Variants in TRIP10 observed in about 807,000 individuals in gnomAD.
TRIP10 encodes the protein cdc42-interacting protein 4.
Under a neutral mutation model 80.9 loss-of-function variants are expected in TRIP10, and 54 were observed. The ratio of observed to expected loss-of-function variants is 0.67; its 90% CI spans 0.54 to 0.84. The LOEUF (loss-of-function observed/expected upper bound fraction) is 0.84, where lower values mean the gene tolerates loss of function less well. Ranked by LOEUF, TRIP10 falls within the 40% of genes least tolerant of loss-of-function variation. The probability of loss-of-function intolerance (pLI) is 0.00; values close to 1 mark genes in which losing one functional copy is unlikely to be tolerated. For synonymous variants in TRIP10, 321 were observed against 307.2 expected, an observed-to-expected ratio of 1.04 and a Z score of -0.47; for missense variants, 773 against 815.3, an observed-to-expected ratio of 0.95 and a Z score of 0.63.
rs1449033015 is a variant in TRIP10, at chr19:6,746,628, T to G, written c.1262+67T>G. ...AAAATAGTAAATGAACTTCACTTAT[T>G]TGTTTATTATTTTATTTTATTTATT... On this transcript the variant is annotated intron_variant, in intron 11 of 14. Transcript: ENST00000313244. The surrounding 1 kb of genome is among the most constrained non-coding windows in gnomAD (Gnocchi z 6.2). 1 of 1,084,926 alleles carries G rather than the reference T, an allele frequency of 9.2e-7. No individual in the cohort carries two copies. The highest frequency in any genetic ancestry group is 1.3e-6 in the Non-Finnish European group (1 of 776,584). The allele number at this position is 1,084,926 out of a possible 1,614,324, so 67.2% of individuals were successfully genotyped here.
chr19:6,740,970 C>T lies in TRIP10; in HGVS notation c.25-40C>T, dbSNP rs193052484. 2.5e-5 allele frequency: 39 copies of T among 1,576,024 alleles called. No homozygotes were observed. The East Asian group carries it at 7.4e-4, about 30-fold the overall frequency. On this transcript the variant is annotated intron_variant, in intron 1 of 14. Coordinates refer to ENST00000313244, the MANE Select transcript of TRIP10 (RefSeq NM_001288962.2). Reference sequence around the variant, plus strand: ...CTGTGGGGTCCCAAAATCGTGACCCCGGCCCCTCTCCCCTCCTCCCCCACC... The same window carrying T: ...CTGTGGGGTCCCAAAATCGTGACCCTGGCCCCTCTCCCCTCCTCCCCCACC...
Position 6,745,682 on chromosome 19 carries a change from G to T in TRIP10, c.985-347G>T. 2 of 985,254 alleles carry T rather than the reference G, an allele frequency of 2.0e-6. No homozygotes were observed. The highest frequency in any genetic ancestry group is 2.3e-4 in the East Asian group (2 of 8,806). The allele number at this position is 985,254 out of a possible 1,614,324, so 61.0% of individuals were successfully genotyped here. A position where few individuals can be genotyped will look rare whatever the true frequency, so the allele number is the denominator to read the frequency against. On this transcript the variant is annotated intron_variant, in intron 9 of 14. Coordinates refer to ENST00000313244, the MANE Select transcript of TRIP10 (RefSeq NM_001288962.2). The surrounding 1 kb of genome is among the most constrained non-coding windows in gnomAD (Gnocchi z 7.2). ...TGGACAGAGAGACATGGGCCTCCCT[G>T]CCTCCTGGACCCATGCTTGCTCCCG...
At chr19:6,750,211 G>T (rs551578419) in intron 12 of TRIP10, 81 bp from the exon 13 acceptor site, 2 of 1,588,662 alleles carry the variant, frequency 1.3e-6, no homozygotes, top group East Asian at 4.5e-5. Flanking sequence ...GTGCGTGGGT[G>T]ATCTCAGGGA....
rs769273247 is a variant in TRIP10 at position 6,743,776 on chromosome 19, G to A, written c.582G>A (p.Leu194=). 1 of 1,614,084 alleles carries A rather than the reference G, an allele frequency of 6.2e-7. No homozygotes were observed. Among genetic ancestry groups the A allele is most frequent in the Non-Finnish European group, 8.5e-7 (1 of 1,180,006 alleles). ...EESKNEYAAQ[L]QRFNRDQAHF... ...GCAAAAACGAATATGCGGCTCAACTGCAGCGCTTCAACCGAGACCAAGCCC... is the reference window on the plus strand; with the variant it reads ...GCAAAAACGAATATGCGGCTCAACTACAGCGCTTCAACCGAGACCAAGCCC... Residue 194 remains leucine (L), a synonymous_variant, in exon 7 of 15, where the codon CTG becomes CTA. Coordinates refer to ENST00000313244, the MANE Select transcript of TRIP10 (RefSeq NM_001288962.2).
rs762186253 is a variant in TRIP10, at chr19:6,739,802, C to T, written c.24+17C>T. On this transcript the variant is annotated intron_variant, in intron 1 of 14. Coordinates refer to ENST00000313244, the MANE Select transcript of TRIP10 (RefSeq NM_001288962.2). ...GAGCTGTGGGTAAGTCCAATCGGCC[C>T]GCCTCTAAGTTCCCCTTTGCTGGGG... 5 of 1,461,744 alleles carry T rather than the reference C, an allele frequency of 3.4e-6. No individual in the cohort carries two copies. The highest frequency in any genetic ancestry group is 5.4e-5 in the East Asian group (2 of 36,908). The allele number at this position is 1,461,744 out of a possible 1,614,324, so 90.5% of individuals were successfully genotyped here.
chr19:6,745,583 C>T lies in TRIP10; in HGVS notation c.985-446C>T, dbSNP rs898182577. On this transcript the variant is annotated intron_variant, in intron 9 of 14. Coordinates refer to ENST00000313244, the MANE Select transcript of TRIP10 (RefSeq NM_001288962.2). This position sits in a 1 kb window ranked among gnomAD's most constrained non-coding sequence, Gnocchi z 7.2. ...TTATTTTTGTTTATTTATTTTTGTC[C>T]TCTGTGGCCTCTTACCTGTCTGAGA... The T allele has an allele frequency of 7.1e-6, 7 of 985,148 alleles. No individual in the cohort carries two copies. The highest frequency in any genetic ancestry group is 7.2e-6 in the Non-Finnish European group (6 of 829,894). 61.0% of individuals were successfully genotyped at this position (985,148 alleles called of 1,614,324 possible).
rs1430133050 is a variant in TRIP10 at position 6,750,557 on chromosome 19, C to T, written c.1581C>T (p.Tyr527=). Residue 527 remains tyrosine (Y), a synonymous_variant, in exon 14 of 15, where the codon TAC becomes TAT. Transcript: ENST00000313244. ...AAGAGAGCCAGGACACCCCCATTTACACGGAGTTTGATGAGGATTTCGAGG... is the reference window on the plus strand; with the variant it reads ...AAGAGAGCCAGGACACCCCCATTTATACGGAGTTTGATGAGGATTTCGAGG... The part of the protein sequence containing the change: ...PSEESQDTPI[Y]TEFDEDFEEE... 1 of 1,614,104 alleles carries T rather than the reference C, an allele frequency of 6.2e-7. No individual in the cohort carries two copies. Among genetic ancestry groups the T allele is most frequent in the Non-Finnish European group, 8.5e-7 (1 of 1,180,052 alleles).
chr19:6,743,834 G>A lies in TRIP10; in HGVS notation c.640G>A (p.Asp214Asn), dbSNP rs756625759. Residue 214 changes from aspartate to asparagine, a missense_variant and splice_region_variant, in exon 7 of 15, where the codon GAT (aspartate) becomes AAT (asparagine). Physicochemically the swap from Asp to Asn is conservative, Grantham distance 23. Transcript: ENST00000313244. ...FYFSQMPQIF[D>N]KLQDMDERRA... ...TTTTTCACAGATGCCCCAGATATTC[G>A]ATGTGAGTGCTCCCAGTTCTCAGAC... 14 of 1,613,480 alleles carry A rather than the reference G, an allele frequency of 8.7e-6. No homozygotes were observed. In the East Asian group the frequency reaches 1.8e-4, roughly 21 times the overall value.
intron 3 of TRIP10, among the ~76,000 whole-genome samples, chr19:6,742,501 C>A (rs1968947044): frequency 6.6e-6 from 1 of 151,928 alleles, no homozygotes; most frequent in Non-Finnish European, 1.5e-5. Context: ...CTGGAAAATT[C>A]TGTGTTCCAA....
At position 6,743,167 on chromosome 19, in the gene TRIP10, C is replaced by T. The variant is rs201662976; in HGVS notation, c.346-27C>T. The T allele has an allele frequency of 1.4e-5, 22 of 1,614,098 alleles. No individual in the cohort carries two copies. The East Asian group carries it at 2.7e-4, about 20-fold the overall frequency. ...CAAAGGGCTTCTGCTGGAACCCTGGCGAGCCTTATCACTCTTCTTTCTGTA... is the reference window on the plus strand; with the variant it reads ...CAAAGGGCTTCTGCTGGAACCCTGGTGAGCCTTATCACTCTTCTTTCTGTA... On this transcript the variant is annotated intron_variant, in intron 4 of 14. Coordinates refer to ENST00000313244, the MANE Select transcript of TRIP10 (RefSeq NM_001288962.2).
chr19:6,746,270 C>T lies in TRIP10; in HGVS notation c.1152+74C>T, dbSNP rs879061761. On this transcript the variant is annotated intron_variant, in intron 10 of 14. Transcript: ENST00000313244. The surrounding 1 kb of genome is among the most constrained non-coding windows in gnomAD (Gnocchi z 6.2). The stretch of plus-strand genomic sequence containing the variant: ...GCGGCGGGTGGCGGGACCCTGGGCT[C>T]GCTTCCTGCCGCTGGCTGGGCCCCT... 1.1e-5 allele frequency: 16 copies of T among 1,481,612 alleles called. No individual in the cohort carries two copies. Among genetic ancestry groups the T allele is most frequent in the Middle Eastern group, 1.8e-4 (1 of 5,510 alleles). The allele number at this position is 1,481,612 out of a possible 1,614,324, so 91.8% of individuals were successfully genotyped here.
At position 6,746,311 on chromosome 19, in the gene TRIP10, A is replaced by T; in HGVS notation, c.1152+115A>T. The T allele has an allele frequency of 6.7e-7, 1 of 1,495,520 alleles. No homozygotes were observed. Among genetic ancestry groups the T allele is most frequent in the Non-Finnish European group, 9.0e-7 (1 of 1,114,894 alleles). The allele number at this position is 1,495,520 out of a possible 1,614,324, so 92.6% of individuals were successfully genotyped here. A position where few individuals can be genotyped will look rare whatever the true frequency, so the allele number is the denominator to read the frequency against. On this transcript the variant is annotated intron_variant, in intron 10 of 14. Coordinates refer to ENST00000313244, the MANE Select transcript of TRIP10 (RefSeq NM_001288962.2). This position sits in a 1 kb window ranked among gnomAD's most constrained non-coding sequence, Gnocchi z 6.2. ...CTGGGCCCCTCTTCCCTGGTTGCCC[A>T]ACCCAGACCTGCTTTGCTCTGTGCA...
intron 3 of TRIP10, 125 bp downstream of exon 3, chr19:6,741,406 T>TG: frequency 9.0e-7 from 1 of 1,107,028 alleles, no homozygotes; most frequent in Non-Finnish European, 1.3e-6. Context: ...GGTGAGAGCA[T>TG]GGATGCAAGA....
chr19:6,749,859 C>T, intron 11 of TRIP10, 75 bp from the exon 12 acceptor site: 4 of 1,557,960 alleles, frequency 2.6e-6, no homozygotes, highest in Non-Finnish European at 3.5e-6. Context: ...CTGACTCAAA[C>T]AAAACAAAAC....
intron 5 of TRIP10, 30 bp downstream of exon 5, chr19:6,743,286 G>A (rs755207831): frequency 9.3e-6 from 15 of 1,611,598 alleles, no homozygotes; most frequent in Non-Finnish European, 1.1e-5. Flanking sequence ...AGTGACTGTG[G>A]CCCGGAGGCA....
chr19:6,746,060 G>GC lies in TRIP10; in HGVS notation c.1020dup (p.Val341ArgfsTer7), dbSNP rs1969115844. Reference sequence around the variant, plus strand: ...CCCCCACCCCTCTCCCCCCTGGGGGGCCCCGTACCCTCGGCATTGCCTAAC... The same window carrying GC: ...CCCCCACCCCTCTCCCCCCTGGGGGGCCCCCGTACCCTCGGCATTGCCTAAC... On this transcript the variant is annotated frameshift_variant, in exon 10 of 15. Transcript: ENST00000313244. LOFTEE classifies it high-confidence loss of function. The surrounding 1 kb of genome is among the most constrained non-coding windows in gnomAD (Gnocchi z 6.2). 1.4e-6 allele frequency: 2 copies of GC among 1,470,600 alleles called. No individual in the cohort carries two copies. Among genetic ancestry groups the GC allele is most frequent in the Admixed American group, 2.5e-5 (1 of 39,464 alleles). 91.1% of individuals were successfully genotyped at this position (1,470,600 alleles called of 1,614,324 possible). A position where few individuals can be genotyped will look rare whatever the true frequency, so the allele number is the denominator to read the frequency against.
Position 6,746,066 on chromosome 19 carries a change from T to G in TRIP10, c.1022T>G (p.Val341Gly), listed in dbSNP as rs988195877. 16 of 1,075,938 alleles carry G rather than the reference T, an allele frequency of 1.5e-5. No homozygotes were observed. Among genetic ancestry groups the G allele is most frequent in the East Asian group, 7.5e-5 (1 of 13,356 alleles). 66.6% of individuals were successfully genotyped at this position (1,075,938 alleles called of 1,614,324 possible). A position where few individuals can be genotyped will look rare whatever the true frequency, so the allele number is the denominator to read the frequency against. ...CCCCTCTCCCCCCTGGGGGGCCCCG[T>G]ACCCTCGGCATTGCCTAACGGACCC... is the stretch of plus-strand genomic sequence containing the variant. ...PPPLSPLGGP[V>G]PSALPNGPPS... is the part of the protein sequence containing the mutation. The change falls in exon 10 of 15, where the codon GTA (valine) becomes GGA (glycine). Residue 341 changes from valine (V) to glycine (G), a missense_variant. By Grantham distance (109) the Val-to-Gly change is moderately radical. Transcript: ENST00000313244. This position sits in a 1 kb window ranked among gnomAD's most constrained non-coding sequence, Gnocchi z 6.2.
intron 3 of TRIP10, 141 bp from the exon 4 acceptor site, chr19:6,742,826 T>C: frequency 1.2e-5 from 13 of 1,101,142 alleles, no homozygotes; most frequent in Non-Finnish European, 1.7e-5. Flanking sequence ...GGTTAAGGAA[T>C]ATGGACCAGA....
intron 1 of TRIP10, 95 bp from the exon 2 acceptor site, chr19:6,740,915 T>A (rs1968897287): frequency 1.8e-6 from 2 of 1,139,958 alleles, no homozygotes; most frequent in Non-Finnish European, 1.3e-6. Flanking sequence ...GCGCAGAGCC[T>A]TGGCCCTCCC....
Sources: allele counts gnomAD v4.1 joint callset (sites outside exome capture counted in the v4.1 genomes callset), GRCh38; gene constraint gnomAD v4.1.1; non-coding constraint Gnocchi (gnomAD v3.1); transcripts MANE v1.5; gene names NCBI Gene and HGNC (gene_info 2026-07-23, HGNC 2026-07-21).